The following UGT1A9 variants were observed in gnomAD, a reference collection of about 807,000 sequenced individuals.
UGT1A9 encodes the protein UDP glucuronosyltransferase family 1 member A9.
A neutral mutation model predicts 45.0 loss-of-function variants in UGT1A9; 35 were observed. The observed-to-expected ratio is 0.78, with a 90% confidence interval of 0.59 to 1.03. UGT1A9 has a LOEUF of 1.03. UGT1A9 is among the 50% of genes least tolerant of loss of function. UGT1A9 has a pLI of 0.00. For missense variants in UGT1A9, 687 were observed against 666.6 expected, an observed-to-expected ratio of 1.03 and a Z score of -0.34; for synonymous variants, 278 against 250.6, an observed-to-expected ratio of 1.11 and a Z score of -1.03.
intron 1 of UGT1A9, chr2:233,712,959 G>A (rs372681148): frequency 6.2e-7 from 1 of 1,612,876 alleles, no homozygotes; most frequent in South Asian, 1.1e-5. Context: ...ACAACGTGGG[G>A]TGGACAGTCA....
In UGT1A9 at chr2:233,713,249, G is replaced by T; in HGVS notation, c.855+40460G>T. 6.2e-7 allele frequency: 1 copy of T among 1,614,250 alleles called. No individual in the cohort carries two copies. The highest frequency in any genetic ancestry group is 1.7e-5 in the Admixed American group (1 of 60,032). ...CAACGTATGCCATTTCATGGACCCA[G>T]GACGAATTTGATCGCCTTTTGCTGG... On this transcript the variant is annotated intron_variant, in intron 1 of 4. Coordinates refer to ENST00000354728, the MANE Select transcript of UGT1A9 (RefSeq NM_021027.3).
At chr2:233,747,748 A>G in intron 1 of UGT1A9, 1 of 1,613,310 alleles carries the variant, frequency 6.2e-7, no homozygotes, top group Non-Finnish European at 8.5e-7. Flanking sequence ...ATTCCATGTG[A>G]TTTAGACTTT....
chr2:233,754,879 C>T (rs1695622753), intron 1 of UGT1A9: 1 of 1,352,088 alleles, frequency 7.4e-7, no homozygotes, highest in South Asian at 1.1e-5. Flanking sequence ...CTTCTGCTTC[C>T]CAGGGAGTTC....
chr2:233,705,257 T>C (rs2075836592), intron 1 of UGT1A9, among the ~76,000 whole-genome samples: 1 of 152,236 alleles, frequency 6.6e-6, no homozygotes, highest in Admixed American at 6.5e-5. Flanking sequence ...GATTATTCTA[T>C]GGGGTCACTT....
rs773957041 is a variant in UGT1A9 at position 233,772,325 on chromosome 2, C to G, written c.1359C>G (p.Asp453Glu). Residue 453 changes from aspartate to glutamate, a missense_variant, in exon 5 of 5, where the codon GAC becomes GAG. Coordinates refer to ENST00000354728, the MANE Select transcript of UGT1A9 (RefSeq NM_021027.3). ...AGGACCGCCCGGTGGAGCCGCTGGACCTGGCCGTGTTCTGGGTGGAGTTTG... is the reference window on the plus strand; with the variant it reads ...AGGACCGCCCGGTGGAGCCGCTGGAGCTGGCCGTGTTCTGGGTGGAGTTTG... ...LHKDRPVEPLDLAVFWVEFVM... is the reference protein window; with the variant it reads ...LHKDRPVEPLELAVFWVEFVM... The G allele has an allele frequency of 1.9e-6, 3 of 1,614,136 alleles. No individual in the cohort carries two copies. The highest frequency in any genetic ancestry group is 2.2e-5 in the South Asian group (2 of 91,076).
At chr2:233,750,552 C>T (rs1256274617) in intron 1 of UGT1A9, 4 of 151,954 alleles carry the variant, frequency 2.6e-5, no homozygotes, top group Non-Finnish European at 5.9e-5. Context: ...ACATCAGAGA[C>T]CTTTGCAGCA....
chr2:233,729,484 A>C, intron 1 of UGT1A9: 1 of 1,614,190 alleles, frequency 6.2e-7, no homozygotes, highest in Non-Finnish European at 8.5e-7. Context: ...GTTGAACAAT[A>C]TGTCTTTGGT....
chr2:233,713,348 T>C (rs149718405), intron 1 of UGT1A9: 25 of 1,614,220 alleles, frequency 1.5e-5, no homozygotes, highest in Non-Finnish European at 2.1e-5. Flanking sequence ...TTATGAACAA[T>C]ATGTCTTTGA....
At chr2:233,766,942 T>C (rs957269469) in intron 1 of UGT1A9, 92 bp from the exon 2 acceptor site, 13 of 1,596,398 alleles carry the variant, frequency 8.1e-6, no homozygotes, top group Non-Finnish European at 1.0e-5. Flanking sequence ...AATCATAGTC[T>C]TAAGAGGAAG....
chr2:233,682,244 C>A, intron 1 of UGT1A9: 1 of 1,614,148 alleles, frequency 6.2e-7, no homozygotes, highest in South Asian at 1.1e-5. Flanking sequence ...GGCACCATTG[C>A]GAAGTGCATT....
At chr2:233,678,770 T>C (rs571167260) in intron 1 of UGT1A9, among the ~76,000 whole-genome samples, 1 of 152,318 alleles carries the variant, frequency 6.6e-6, no homozygotes, top group African/African-American at 2.4e-5. Flanking sequence ...GGTCATCTAT[T>C]GATTCCCTGA....
intron 1 of UGT1A9, among the ~76,000 whole-genome samples, chr2:233,724,317 G>A (rs1449472256): frequency 4.8e-4 from 64 of 132,596 alleles, no homozygotes; most frequent in East Asian, 1.3e-3. Flanking sequence ...CCCGGACGGG[G>A]CGGCTGGCCA....
intron 1 of UGT1A9, among the ~76,000 whole-genome samples, chr2:233,712,048 G>T (rs1193120711): frequency 6.6e-6 from 1 of 152,226 alleles, no homozygotes; most frequent in Non-Finnish European, 1.5e-5. Flanking sequence ...TTGGAAAAAA[G>T]CCTGACCATA....
Position 233,772,549 on chromosome 2 carries a change from A to G in UGT1A9, c.1583A>G (p.Lys528Arg), listed in dbSNP as rs1196632178. Residue 528 changes from lysine to arginine, a missense_variant, in exon 5 of 5, where the codon AAG (lysine) becomes AGG (arginine). By Grantham distance (26) the Lys-to-Arg change is conservative (BLOSUM62 2). Coordinates refer to ENST00000354728, the MANE Select transcript of UGT1A9 (RefSeq NM_021027.3). ...CGAGTTAAGAAAGCCCACAAATCCA[A>G]GACCCATTGAGAAGTGGGTGGGAAA... ...KGRVKKAHKS[K>R]TH 6.2e-7 allele frequency: 1 copy of G among 1,614,094 alleles called. No individual in the cohort carries two copies. The highest frequency in any genetic ancestry group is 8.5e-7 in the Non-Finnish European group (1 of 1,179,962).
At chr2:233,706,756 T>C (rs534591277) in intron 1 of UGT1A9, among the ~76,000 whole-genome samples, 3 of 152,306 alleles carry the variant, frequency 2.0e-5, no homozygotes, top group African/African-American at 4.8e-5. Context: ...CAGAGTGCCG[T>C]ACACTGGTAT....
chr2:233,731,901 A>G (rs1358657529), intron 1 of UGT1A9, among the ~76,000 whole-genome samples: 15 of 152,182 alleles, frequency 9.9e-5, no homozygotes, highest in Non-Finnish European at 1.9e-4. Flanking sequence ...ACTCCCACCA[A>G]TGGTGTAAAA....
At chr2:233,737,874 C>A (rs1441437584) in intron 1 of UGT1A9, among the ~76,000 whole-genome samples, 1 of 152,148 alleles carries the variant, frequency 6.6e-6, no homozygotes, top group East Asian at 1.9e-4. Flanking sequence ...AAGAATTCCA[C>A]ATTAACAAAG....
chr2:233,697,011 C>T (rs1017901649), intron 1 of UGT1A9, among the ~76,000 whole-genome samples: 2 of 151,922 alleles, frequency 1.3e-5, no homozygotes, highest in African/African-American at 2.4e-5. Context: ...CATCTATGTT[C>T]GTCAGAGATA....
At position 233,716,059 on chromosome 2, in the gene UGT1A9, T is replaced by C. The variant is rs28898603; in HGVS notation, c.855+43270T>C. ...GCATTCTGATTCTGTCCATTCTTAG[T>C]TGTATTCTTTCCACTGAGTGTAAGC... On this transcript the variant is annotated intron_variant, in intron 1 of 4. Coordinates refer to ENST00000354728, the MANE Select transcript of UGT1A9 (RefSeq NM_021027.3). Among the ~76,000 whole-genome samples, 29 of 152,358 alleles carry C rather than the reference T, an allele frequency of 1.9e-4. No homozygotes were observed. In the East Asian group the frequency reaches 5.6e-3, roughly 29 times the overall value.
Sources: gnomAD v4.1 joint callset for allele counts (sites outside exome capture counted in the v4.1 genomes callset) on GRCh38, gnomAD v4.1.1 for gene constraint, MANE v1.5 for transcripts, NCBI Gene and HGNC (gene_info 2026-07-23, HGNC 2026-07-21) for gene names.